Variants in TSPAN9 observed in about 807,000 individuals in gnomAD.
TSPAN9 encodes the protein tetraspanin-9.
In TSPAN9, 16 loss-of-function variants were observed where a neutral mutation model predicts 31.0. The observed-to-expected ratio is 0.52, with a 90% CI of 0.35 to 0.78. TSPAN9 has a LOEUF of 0.78. Ranked by LOEUF, TSPAN9 falls within the 30% of genes least tolerant of loss-of-function variation. TSPAN9 has a pLI of 0.01. For synonymous variants in TSPAN9, 145 were observed against 121.6 expected, an observed-to-expected ratio of 1.19 and a Z score of -1.27; for missense variants, 272 against 312.5, an observed-to-expected ratio of 0.87 and a Z score of 0.98.
rs1360108206 is a variant in TSPAN9 at position 3,187,823 on chromosome 12, ACT to A, written c.-17-13350_-17-13349del. Among the ~76,000 whole-genome samples the A allele has an allele frequency of 6.6e-6, 1 of 151,382 alleles. No homozygotes were observed. Among genetic ancestry groups the A allele is most frequent in the Non-Finnish European group, 1.5e-5 (1 of 67,894 alleles). The stretch of plus-strand genomic sequence containing the variant: ...CAAGAAGCCCTTCCTGATGGGCCAG[ACT>A]CTCCCTGGGCAGGTCCTCGGGGCAC... On this transcript the variant is annotated intron_variant, in intron 2 of 8. Transcript: ENST00000011898. The surrounding 1 kb of genome is among the most constrained non-coding windows in gnomAD (Gnocchi z 5.2).
chr12:3,219,484 G>C (rs73254432), intron 3 of TSPAN9, among the ~76,000 whole-genome samples: 1,567 of 152,230 alleles, frequency 0.01, 31 homozygotes, highest in African/African-American at 0.035. Context: ...CCTTCTGTGA[G>C]GATGGAGGGA....
At chr12:3,165,018 GCT>G (rs1331180360) in intron 2 of TSPAN9, among the ~76,000 whole-genome samples, 1 of 152,316 alleles carries the variant, frequency 6.6e-6, no homozygotes, top group East Asian at 1.9e-4. Context: ...GAGGAAAGAG[GCT>G]CTCGTCTGGT....
chr12:3,275,684 T>C (rs1033497352), intron 3 of TSPAN9, among the ~76,000 whole-genome samples: 2 of 152,228 alleles, frequency 1.3e-5, no homozygotes, highest in African/African-American at 4.8e-5. Flanking sequence ...GATGGCCCAG[T>C]TGGGCGATGC....
At chr12:3,160,569 A>AT (rs2098344537) in intron 2 of TSPAN9, among the ~76,000 whole-genome samples, 1 of 152,158 alleles carries the variant, frequency 6.6e-6, no homozygotes, top group South Asian at 2.1e-4. Flanking sequence ...ATGTATTCCA[A>AT]TTGGGAATTA....
intron 2 of TSPAN9, among the ~76,000 whole-genome samples, chr12:3,140,695 A>G (rs934601503): frequency 1.3e-5 from 2 of 152,014 alleles, no homozygotes; most frequent in Non-Finnish European, 2.9e-5. Context: ...GGGAAGTCAA[A>G]GGGTAGTTTG....
At chr12:3,276,253 A>G (rs521392) in intron 3 of TSPAN9, among the ~76,000 whole-genome samples, 1 of 152,086 alleles carries the variant, frequency 6.6e-6, no homozygotes, top group African/African-American at 2.4e-5. Context: ...TCGCTTCTCC[A>G]AACAGCAGCC....
intron 2 of TSPAN9, among the ~76,000 whole-genome samples, chr12:3,179,915 T>C (rs2098357810): frequency 6.6e-6 from 1 of 152,160 alleles, no homozygotes; most frequent in Non-Finnish European, 1.5e-5. Flanking sequence ...TTTTGGCACA[T>C]CTCCATCTTG....
At chr12:3,138,180 C>G (rs999697179) in intron 2 of TSPAN9, among the ~76,000 whole-genome samples, 1 of 152,156 alleles carries the variant, frequency 6.6e-6, no homozygotes, top group African/African-American at 2.4e-5. Context: ...GATTTTTCCA[C>G]CCCTGGGCTG....
intron 3 of TSPAN9, among the ~76,000 whole-genome samples, chr12:3,225,159 G>A (rs934779120): frequency 2.6e-5 from 4 of 152,198 alleles, no homozygotes; most frequent in African/African-American, 7.2e-5. Flanking sequence ...ACAGGAAGCC[G>A]TAAGGGCACC....
chr12:3,139,115 C>T (rs1332746977), intron 2 of TSPAN9, among the ~76,000 whole-genome samples: 1 of 152,212 alleles, frequency 6.6e-6, no homozygotes, highest in East Asian at 1.9e-4. Context: ...TGTAAATTGC[C>T]TCCCGCTGCC....
At chr12:3,133,807 G>A (rs1362547789) in intron 2 of TSPAN9, among the ~76,000 whole-genome samples, 1 of 152,176 alleles carries the variant, frequency 6.6e-6, no homozygotes, top group African/African-American at 2.4e-5. Flanking sequence ...GATGGATGAC[G>A]GGGAGGAGAG....
chr12:3,159,178 G>C (rs941880350), intron 2 of TSPAN9, among the ~76,000 whole-genome samples: 1 of 151,272 alleles, frequency 6.6e-6, no homozygotes, highest in Non-Finnish European at 1.5e-5. Flanking sequence ...AGCCTCGGAG[G>C]CTACGGCAAC....
intron 2 of TSPAN9, among the ~76,000 whole-genome samples, chr12:3,152,980 C>T (rs547614528): frequency 3.3e-5 from 5 of 152,346 alleles, no homozygotes; most frequent in South Asian, 2.1e-4. Flanking sequence ...ACACACCTGA[C>T]GGGTGGGGGC....
chr12:3,160,273 G>A (rs2098344373), intron 2 of TSPAN9, among the ~76,000 whole-genome samples: 1 of 152,208 alleles, frequency 6.6e-6, no homozygotes, highest in South Asian at 2.1e-4. Context: ...GCATATGCCA[G>A]TACTTCATTC....
intron 2 of TSPAN9, among the ~76,000 whole-genome samples, chr12:3,185,770 A>G (rs1249751819): frequency 6.6e-6 from 1 of 152,112 alleles, no homozygotes; most frequent in Non-Finnish European, 1.5e-5. Context: ...ACTGGGGTAG[A>G]GAGTGTTTTG....
At chr12:3,198,176 T>G (rs1313727046) in intron 2 of TSPAN9, among the ~76,000 whole-genome samples, 1 of 12,228 alleles carries the variant, frequency 8.2e-5, no homozygotes, top group Non-Finnish European at 1.6e-4. Flanking sequence ...CCAGCACAGC[T>G]CACCACCAGC....
chr12:3,207,626 A>G (rs1565613900), intron 3 of TSPAN9, among the ~76,000 whole-genome samples: 1 of 152,034 alleles, frequency 6.6e-6, no homozygotes, highest in Non-Finnish European at 1.5e-5. Context: ...GGTGGGGTCT[A>G]CCTCCTCTCC....
At chr12:3,096,880 A>G (rs2098309364) in intron 2 of TSPAN9, among the ~76,000 whole-genome samples, 2 of 151,890 alleles carry the variant, frequency 1.3e-5, no homozygotes, top group African/African-American at 4.8e-5. Context: ...TTGTATTTTT[A>G]GTAGAGACGG....
At chr12:3,108,376 C>T (rs1298992679) in intron 2 of TSPAN9, among the ~76,000 whole-genome samples, 2 of 152,180 alleles carry the variant, frequency 1.3e-5, no homozygotes, top group African/African-American at 4.8e-5. Context: ...CAAAGCATTG[C>T]TTAATTTTCT....
Sources: allele counts gnomAD v4.1 joint callset (sites outside exome capture counted in the v4.1 genomes callset), GRCh38; gene constraint gnomAD v4.1.1; non-coding constraint Gnocchi (gnomAD v3.1); transcripts MANE v1.5; gene names NCBI Gene and HGNC (gene_info 2026-07-23, HGNC 2026-07-21).